The following DEFB110 variants were observed in gnomAD, a reference collection of about 807,000 sequenced individuals.
The protein encoded by DEFB110 is beta-defensin 110.
DEFB110 carries 4 observed loss-of-function variants against 2.5 expected under a neutral mutation model. That is an observed-to-expected ratio of 1.60 (90% CI 0.79 to 3.66). The LOEUF is 3.66. DEFB110 is among the 30% of genes most tolerant of loss of function. DEFB110 has a pLI of 0.01. For synonymous variants in DEFB110, 29 were observed against 21.8 expected, an observed-to-expected ratio of 1.33 and a Z score of -0.92; for missense variants, 94 against 75.4, an observed-to-expected ratio of 1.25 and a Z score of -0.91.
chr6:50,014,461 G>A (rs1774282778), downstream of DEFB110, among the ~76,000 whole-genome samples: 1 of 151,780 alleles, frequency 6.6e-6, no homozygotes, highest in Admixed American at 6.6e-5. Flanking sequence ...GAGAAAATTT[G>A]TGTTTACTAA....
At position 50,019,079 on chromosome 6, in the gene DEFB110, C is replaced by T. The variant is rs76111595; in HGVS notation, c.102G>A (p.Glu34=). 1,461 of 1,613,206 alleles carry T rather than the reference C, an allele frequency of 9.1e-4. 16 individuals carry two copies. The African/African-American group carries it at 0.017, about 19-fold the overall frequency. Residue 34 remains glutamate (E), a synonymous_variant, in exon 2 of 2, where the codon GAG becomes GAA. Transcript: ENST00000371148. ...TACATTGACCATTACCTATTCTGCA[C>T]TCTCTCCTCAAGTCCAAGCTACCAT... ...PEYGSLDLRR[E]CRIGNGQCKN...
downstream of DEFB110, among the ~76,000 whole-genome samples, chr6:50,015,246 T>C (rs976212543): frequency 2.6e-5 from 4 of 151,842 alleles, no homozygotes; most frequent in African/African-American, 9.7e-5. Context: ...TTAGCTTCTA[T>C]AATTTACCAC....
chr6:50,021,445 T>G (rs1356603179), intron 1 of DEFB110, among the ~76,000 whole-genome samples: 1 of 152,208 alleles, frequency 6.6e-6, no homozygotes. Flanking sequence ...AAATACATTG[T>G]TCAAGTCCAA....
At chr6:50,017,818 T>G (rs898651743), downstream of DEFB110, among the ~76,000 whole-genome samples, 55 of 152,010 alleles carry the variant, frequency 3.6e-4, no homozygotes, top group African/African-American at 1.3e-3. Flanking sequence ...GAGGCCATAA[T>G]AAAAATATCA....
chr6:50,017,049 T>C (rs1240563971), downstream of DEFB110, among the ~76,000 whole-genome samples: 2 of 151,778 alleles, frequency 1.3e-5, no homozygotes, highest in Non-Finnish European at 2.9e-5. Context: ...GCCTCTCAAT[T>C]CTGATTTAGA....
At chr6:50,017,401 C>T (rs778335841), downstream of DEFB110, among the ~76,000 whole-genome samples, 5 of 151,782 alleles carry the variant, frequency 3.3e-5, no homozygotes, top group Non-Finnish European at 7.4e-5. Flanking sequence ...CAGTAGTTCT[C>T]AGCCAAGTGT....
At chr6:50,021,851 T>C (rs1439291958) in intron 1 of DEFB110, 30 bp downstream of exon 1, 1 of 1,547,162 alleles carries the variant, frequency 6.5e-7, no homozygotes, top group Non-Finnish European at 8.7e-7. Context: ...AATTTGTTAG[T>C]ATAAATCCCC....
In DEFB110 at chr6:50,013,753, G is replaced by A. The variant is rs138014215; in HGVS notation, c.56-4482C>T. Among the ~76,000 whole-genome samples the A allele has an allele frequency of 9.6e-4, 146 of 151,964 alleles. 1 individual carries two copies. Among genetic ancestry groups the A allele is most frequent in the African/African-American group, 3.3e-3 (135 of 41,522 alleles). On this transcript the variant is annotated intron_variant, in intron 1 of 1. Transcript: ENST00000393660. ...TTTGGATTTGCAGGGAAAGGAACCT[G>A]GGACATAGAGAAGCAATGACCAGAA...
downstream of DEFB110, among the ~76,000 whole-genome samples, chr6:50,016,545 AT>A (rs958682739): frequency 2.0e-5 from 3 of 151,748 alleles, no homozygotes; most frequent in African/African-American, 4.8e-5. Context: ...ATTTTTAAGC[AT>A]TTTTTTGCCT....
chr6:50,017,670 G>A (rs1414279893), downstream of DEFB110, among the ~76,000 whole-genome samples: 4 of 151,230 alleles, frequency 2.6e-5, no homozygotes, highest in African/African-American at 9.8e-5. Flanking sequence ...AAAACACACT[G>A]AACAATCAAA....
At chr6:50,010,491 T>C (rs1774209336) in intron 1 of DEFB110, among the ~76,000 whole-genome samples, 1 of 151,294 alleles carries the variant, frequency 6.6e-6, no homozygotes, top group South Asian at 2.1e-4. Flanking sequence ...AAACGTAAGA[T>C]GGAAGAGACT....
chr6:50,015,443 A>G (rs1774300822), downstream of DEFB110, among the ~76,000 whole-genome samples: 1 of 151,680 alleles, frequency 6.6e-6, no homozygotes. Flanking sequence ...TTCCTCTCCC[A>G]GGACTCACCT....
At chr6:50,019,268 C>T (rs866006552) in intron 1 of DEFB110, 143 bp from the exon 2 acceptor site, 1 of 823,570 alleles carries the variant, frequency 1.2e-6, no homozygotes, top group East Asian at 2.6e-5. Flanking sequence ...AATTTACTGT[C>T]CCTTGGTACA....
At chr6:50,017,112 C>G (rs1774332209), downstream of DEFB110, among the ~76,000 whole-genome samples, 1 of 151,724 alleles carries the variant, frequency 6.6e-6, no homozygotes, top group Non-Finnish European at 1.5e-5. Context: ...AAATAAAAAT[C>G]AAACTTTCAT....
At chr6:50,018,768 A>T, downstream of DEFB110, 1 of 1,227,856 alleles carries the variant, frequency 8.1e-7, no homozygotes, top group Non-Finnish European at 1.0e-6. Flanking sequence ...AAGTCCTGCT[A>T]CTTCTGGTAC....
chr6:50,013,765 A>T (rs1774269781), intron 1 of DEFB110, among the ~76,000 whole-genome samples: 1 of 151,914 alleles, frequency 6.6e-6, no homozygotes, highest in African/African-American at 2.4e-5. Flanking sequence ...GACATAGAGA[A>T]GCAATGACCA....
chr6:50,009,589 C>T (rs1774192889), intron 1 of DEFB110, among the ~76,000 whole-genome samples: 1 of 152,094 alleles, frequency 6.6e-6, no homozygotes, highest in Non-Finnish European at 1.5e-5. Flanking sequence ...TTTTGTCAGA[C>T]ATTTGTTGTG....
intron 1 of DEFB110, 127 bp from the exon 2 acceptor site, chr6:50,019,252 T>A: frequency 1.0e-6 from 1 of 974,442 alleles, no homozygotes; most frequent in Non-Finnish European, 1.5e-6. Context: ...GAGGAAAGTT[T>A]AAGTGAATTT....
intron 1 of DEFB110, among the ~76,000 whole-genome samples, chr6:50,010,064 C>A (rs1242214036): frequency 6.6e-6 from 1 of 151,940 alleles, no homozygotes; most frequent in Non-Finnish European, 1.5e-5. Context: ...TGGAGTCAGG[C>A]ATATTTTTAT....
Sources: gnomAD v4.1 joint callset for allele counts (sites outside exome capture counted in the v4.1 genomes callset) on GRCh38, gnomAD v4.1.1 for gene constraint, MANE v1.5 for transcripts, NCBI Gene and HGNC (gene_info 2026-07-23, HGNC 2026-07-21) for gene names.